Variants in CD2AP observed in about 807,000 individuals in gnomAD.
CD2AP encodes CD2 associated protein.
A neutral mutation model predicts 85.1 loss-of-function variants in CD2AP; 46 were observed. The ratio of observed to expected loss-of-function variants is 0.54; its 90% confidence interval spans 0.43 to 0.69. The LOEUF is 0.69. Among genes scored for constraint, CD2AP ranks in the 30% least tolerant of loss-of-function variants. The pLI, the probability that CD2AP is intolerant of heterozygous loss-of-function variation, is 0.00. For synonymous variants in CD2AP, 255 were observed against 252.9 expected, an observed-to-expected ratio of 1.01 and a Z score of -0.08; for missense variants, 769 against 729.5, an observed-to-expected ratio of 1.05 and a Z score of -0.62.
At chr6:47,530,745 A>G (rs1582521003) in intron 2 of CD2AP, among the ~76,000 whole-genome samples, 1 of 152,188 alleles carries the variant, frequency 6.6e-6, no homozygotes, top group Non-Finnish European at 1.5e-5. Flanking sequence ...CAGGTGCTCA[A>G]TAAGTGTTTA....
At chr6:47,518,316 G>T (rs1249462334) in intron 2 of CD2AP, among the ~76,000 whole-genome samples, 1 of 152,140 alleles carries the variant, frequency 6.6e-6, no homozygotes, top group South Asian at 2.1e-4. Context: ...TATGCAGCTA[G>T]CATAACATTA....
chr6:47,601,042 A>T (rs997568966), intron 13 of CD2AP, among the ~76,000 whole-genome samples: 4 of 151,686 alleles, frequency 2.6e-5, no homozygotes, highest in African/African-American at 4.8e-5. Flanking sequence ...AAGTAATGGA[A>T]TTTTTTTTAA....
chr6:47,557,352 G>C (rs1767725774), intron 5 of CD2AP, among the ~76,000 whole-genome samples: 1 of 151,976 alleles, frequency 6.6e-6, no homozygotes, highest in South Asian at 2.1e-4. Context: ...TGTCAATTTT[G>C]GCTTTTGTTG....
intron 12 of CD2AP, among the ~76,000 whole-genome samples, chr6:47,598,657 A>G (rs1320912737): frequency 6.6e-6 from 1 of 150,916 alleles, no homozygotes; most frequent in Non-Finnish European, 1.5e-5. Context: ...AGGAATGGAA[A>G]ATCAAACATT....
intron 2 of CD2AP, among the ~76,000 whole-genome samples, chr6:47,521,219 T>C (rs935513048): frequency 3.3e-5 from 5 of 152,044 alleles, no homozygotes; most frequent in African/African-American, 9.7e-5. Flanking sequence ...TTTTACTCAG[T>C]CTAAATACTC....
chr6:47,556,055 C>CTTT (rs75174694), intron 5 of CD2AP, among the ~76,000 whole-genome samples: 1 of 129,966 alleles, frequency 7.7e-6, no homozygotes, highest in Admixed American at 7.4e-5. Context: ...TTTTCCTTTT[C>CTTT]TTTTTTTTTT....
rs149583133 is a variant in CD2AP, at chr6:47,550,878, C to T, written c.421-3768C>T. Among the ~76,000 whole-genome samples the T allele has an allele frequency of 2.9e-3, 438 of 152,200 alleles. 3 individuals are homozygous for T. Among genetic ancestry groups the T allele is most frequent in the African/African-American group, 0.01 (424 of 41,516 alleles). On this transcript the variant is annotated intron_variant, in intron 4 of 17. Transcript: ENST00000359314. ...TAAAAAGGAATGATTTCATGGCATT[C>T]GCAGCTACCTGGATGAGATTGGAGA... is the stretch of plus-strand genomic sequence containing the variant.
intron 2 of CD2AP, among the ~76,000 whole-genome samples, chr6:47,532,630 A>G (rs1039000743): frequency 1.3e-5 from 2 of 152,066 alleles, no homozygotes; most frequent in Non-Finnish European, 2.9e-5. Flanking sequence ...TCTTTATGCC[A>G]GTAGCACATT....
At chr6:47,599,932 G>C (rs1022343845) in intron 13 of CD2AP, among the ~76,000 whole-genome samples, 1 of 149,730 alleles carries the variant, frequency 6.7e-6, no homozygotes, top group African/African-American at 2.4e-5. Flanking sequence ...CTTTAGGACT[G>C]GTTTTTCAGC....
chr6:47,567,003 A>G (rs143350559), intron 5 of CD2AP, among the ~76,000 whole-genome samples: 225 of 152,212 alleles, frequency 1.5e-3, no homozygotes, highest in African/African-American at 5.2e-3. Context: ...TCCCATTTTA[A>G]GGGTCAAGAA....
intron 2 of CD2AP, among the ~76,000 whole-genome samples, chr6:47,507,692 G>T (rs541134824): frequency 6.6e-6 from 1 of 152,094 alleles, no homozygotes; most frequent in African/African-American, 2.4e-5. Context: ...TGATCTGCCC[G>T]CCTTGGCCTC....
chr6:47,564,859 G>GT (rs1767950043), intron 5 of CD2AP, among the ~76,000 whole-genome samples: 1 of 32,666 alleles, frequency 3.1e-5, no homozygotes, highest in Non-Finnish European at 1.0e-4. Flanking sequence ...CATTATATAA[G>GT]TGTTTTCTTT....
chr6:47,542,221 C>T (rs1242012946), intron 3 of CD2AP, among the ~76,000 whole-genome samples: 3 of 151,934 alleles, frequency 2.0e-5, no homozygotes, highest in Non-Finnish European at 2.9e-5. Context: ...TGCATGTTTT[C>T]TTCTCAAGTT....
In CD2AP at chr6:47,539,885, GA is replaced by G. The variant is rs762931465; in HGVS notation, c.320-4717del. On this transcript the variant is annotated intron_variant, in intron 3 of 17. Transcript: ENST00000359314. ...AAGTATTAAAGGTTACTTATGATAA[GA>G]AAATACTAATAGCTGAGTGTGGTGG... is the stretch of plus-strand genomic sequence containing the variant. Among the ~76,000 whole-genome samples, 6 of 152,000 alleles carry G rather than the reference GA, an allele frequency of 3.9e-5. No individual in the cohort carries two copies. In the East Asian group the frequency reaches 9.7e-4, roughly 25 times the overall value.
intron 16 of CD2AP, chr6:47,609,578 G>T: frequency 3.1e-6 from 1 of 325,728 alleles, no homozygotes. Flanking sequence ...ACATCCCTGT[G>T]GTCCCAGCTA....
intron 5 of CD2AP, among the ~76,000 whole-genome samples, chr6:47,556,719 A>G (rs1056475358): frequency 1.3e-5 from 2 of 152,060 alleles, no homozygotes; most frequent in Non-Finnish European, 1.5e-5. Flanking sequence ...TATCCAATCT[A>G]ACATCGATTG....
Position 47,626,460 on chromosome 6 carries a change from G to C in CD2AP, c.*2233G>C, listed in dbSNP as rs994222556. On this transcript the variant is annotated 3_prime_UTR_variant, in exon 18 of 18. Transcript: ENST00000359314. Reference sequence around the variant, plus strand: ...GGTAAATCATGAATTTTTTTTCTACGTGTGAGTATAAAAGACAAAAGTTGA... The same window carrying C: ...GGTAAATCATGAATTTTTTTTCTACCTGTGAGTATAAAAGACAAAAGTTGA... 1.3e-5 allele frequency: 2 copies of C among 151,886 alleles called. No individual in the cohort carries two copies. The highest frequency in any genetic ancestry group is 1.3e-4 in the Admixed American group (2 of 15,214). The allele number at this position is 151,886 out of a possible 1,614,324, so 9.4% of individuals were successfully genotyped here.
At chr6:47,495,234 G>A (rs1283906419) in intron 1 of CD2AP, among the ~76,000 whole-genome samples, 1 of 152,124 alleles carries the variant, frequency 6.6e-6, no homozygotes, top group Non-Finnish European at 1.5e-5. Flanking sequence ...TTAATAAATT[G>A]AATGATTGGT....
At position 47,608,076 on chromosome 6, in the gene CD2AP, G is replaced by A. The variant is rs775985372; in HGVS notation, c.1632+48G>A. 109 of 1,270,316 alleles carry A rather than the reference G, an allele frequency of 8.6e-5. 3 individuals are homozygous for A. In the South Asian group the frequency reaches 1.2e-3, roughly 14 times the overall value. The allele number at this position is 1,270,316 out of a possible 1,614,324, so 78.7% of individuals were successfully genotyped here. A position where few individuals can be genotyped will look rare whatever the true frequency, so the allele number is the denominator to read the frequency against. On this transcript the variant is annotated intron_variant, in intron 15 of 17. Coordinates refer to ENST00000359314, the MANE Select transcript of CD2AP (RefSeq NM_012120.3). The stretch of plus-strand genomic sequence containing the variant: ...GTTTGTTGACTTTCTGGGATTCTTT[G>A]TGGACATCAAACATAGGGAATTTAA...
Sources: allele counts gnomAD v4.1 joint callset (sites outside exome capture counted in the v4.1 genomes callset), GRCh38; gene constraint gnomAD v4.1.1; transcripts MANE v1.5; gene names NCBI Gene and HGNC (gene_info 2026-07-23, HGNC 2026-07-21).